The following CNTNAP2 variants were observed in gnomAD, a reference collection of about 807,000 sequenced individuals.
CNTNAP2 encodes the protein contactin associated protein 2, also known as contactin-associated protein-like 2.
In CNTNAP2, 98 loss-of-function variants were observed where a neutral mutation model predicts 155.2. The ratio of observed to expected loss-of-function variants is 0.63; its 90% CI spans 0.54 to 0.75. The LOEUF (loss-of-function observed/expected upper bound fraction) is 0.75, where lower values mean the gene tolerates loss of function less well. Ranked by LOEUF, CNTNAP2 falls within the 30% of genes least tolerant of loss-of-function variation. CNTNAP2 has a pLI of 0.00. For synonymous variants in CNTNAP2, 651 were observed against 631.2 expected (o/e 1.03, Z -0.47); for missense variants, 1,727 against 1,688.1 (o/e 1.02, Z -0.40).
At position 148,029,961 on chromosome 7, in the gene CNTNAP2, A is replaced by G. The variant is rs763832798; in HGVS notation, c.2383+51972A>G. On this transcript the variant is annotated intron_variant, in intron 15 of 23. Transcript: ENST00000361727. The stretch of plus-strand genomic sequence containing the variant: ...TCTAAGTGTTTAAAATTATTTTTAC[A>G]TCCTAGAATCAATGTCTTCTTAATA... 9.5e-4 allele frequency among the ~76,000 whole-genome samples: 144 copies of G among 152,342 alleles called. 2 individuals are homozygous for G. The highest frequency in any genetic ancestry group is 2.5e-4 in the Non-Finnish European group (17 of 68,034).
At chr7:147,667,794 GC>G (rs1795720529) in intron 13 of CNTNAP2, among the ~76,000 whole-genome samples, 1 of 136,776 alleles carries the variant, frequency 7.3e-6, no homozygotes, top group African/African-American at 3.0e-5. Context: ...GGCTGCTGCT[GC>G]AAAAAAAAAA....
chr7:147,443,716 C>T (rs950523978), intron 10 of CNTNAP2, among the ~76,000 whole-genome samples: 1 of 152,142 alleles, frequency 6.6e-6, no homozygotes, highest in South Asian at 2.1e-4. Context: ...ATAGGCCTTC[C>T]AGACATGGGT....
intron 21 of CNTNAP2, among the ~76,000 whole-genome samples, chr7:148,363,991 T>C (rs536807267): frequency 4.6e-5 from 7 of 152,172 alleles, no homozygotes; most frequent in Non-Finnish European, 1.0e-4. Context: ...CCCCCAGCAG[T>C]GCCGGCCCAC....
At chr7:147,977,818 A>G (rs976747638) in intron 14 of CNTNAP2, 44 bp from the exon 15 acceptor site, 1 of 1,613,230 alleles carries the variant, frequency 6.2e-7, no homozygotes, top group East Asian at 2.2e-5. Flanking sequence ...TCATATGTCT[A>G]ATGCAGCCTC....
At chr7:146,201,529 T>C (rs1222618578) in intron 1 of CNTNAP2, among the ~76,000 whole-genome samples, 1 of 152,134 alleles carries the variant, frequency 6.6e-6, no homozygotes, top group Admixed American at 6.6e-5. Flanking sequence ...TTGTTGGATT[T>C]TCCAGCATAT....
chr7:147,069,039 G>T (rs969713855), intron 4 of CNTNAP2, among the ~76,000 whole-genome samples: 9 of 152,092 alleles, frequency 5.9e-5, no homozygotes, highest in African/African-American at 2.2e-4. Flanking sequence ...GGCGAGAGAG[G>T]GAGTGAAAGA....
At chr7:147,435,542 T>G (rs192200571) in intron 10 of CNTNAP2, among the ~76,000 whole-genome samples, 80 of 152,356 alleles carry the variant, frequency 5.3e-4, no homozygotes, top group African/African-American at 1.9e-3. Flanking sequence ...ACAAGAATGT[T>G]TGTGACTTAG....
chr7:146,249,960 A>C (rs1310565105), intron 1 of CNTNAP2, among the ~76,000 whole-genome samples: 1 of 152,118 alleles, frequency 6.6e-6, no homozygotes, highest in East Asian at 1.9e-4. Context: ...TTTTCTCTTC[A>C]TTGTTTAGAA....
chr7:147,765,459 A>G (rs1367570625), intron 13 of CNTNAP2, among the ~76,000 whole-genome samples: 1 of 152,200 alleles, frequency 6.6e-6, no homozygotes, highest in Non-Finnish European at 1.5e-5. Flanking sequence ...TAAAGGTAAC[A>G]ATTAAGATGA....
intron 1 of CNTNAP2, among the ~76,000 whole-genome samples, chr7:146,712,772 A>G (rs1260731653): frequency 6.6e-6 from 1 of 151,664 alleles, no homozygotes; most frequent in Non-Finnish European, 1.5e-5. Flanking sequence ...ATCTTACTTG[A>G]GTTTAAACCT....
At chr7:147,414,253 G>A (rs761033656) in intron 10 of CNTNAP2, among the ~76,000 whole-genome samples, 4 of 151,700 alleles carry the variant, frequency 2.6e-5, no homozygotes, top group Non-Finnish European at 4.4e-5. Flanking sequence ...GCTGAAACCC[G>A]TGTCTGCTAA....
At chr7:147,593,534 G>T (rs1393624833) in intron 12 of CNTNAP2, among the ~76,000 whole-genome samples, 1 of 151,930 alleles carries the variant, frequency 6.6e-6, no homozygotes, top group Admixed American at 6.6e-5. Context: ...ACCTTGGGTA[G>T]ATTATTTAGG....
chr7:147,800,933 G>A (rs760148669), intron 13 of CNTNAP2, among the ~76,000 whole-genome samples: 54 of 152,324 alleles, frequency 3.5e-4, no homozygotes, highest in Admixed American at 2.8e-3. Context: ...GCAATGGGCT[G>A]TACCAGATAG....
intron 4 of CNTNAP2, among the ~76,000 whole-genome samples, chr7:147,101,118 G>T (rs113034302): frequency 1.3e-5 from 2 of 152,104 alleles, no homozygotes; most frequent in East Asian, 3.9e-4. Context: ...AATTCAATCC[G>T]TTTACCATCA....
At chr7:146,584,905 GA>G (rs1376539690) in intron 1 of CNTNAP2, among the ~76,000 whole-genome samples, 1 of 152,068 alleles carries the variant, frequency 6.6e-6, no homozygotes, top group Non-Finnish European at 1.5e-5. Context: ...AAAAATATTA[GA>G]GTTAAATTTT....
chr7:146,365,232 T>C (rs1334501603), intron 1 of CNTNAP2, among the ~76,000 whole-genome samples: 1 of 152,220 alleles, frequency 6.6e-6, no homozygotes, highest in East Asian at 1.9e-4. Context: ...AATGGCTTAA[T>C]ACAGGTGTCA....
At chr7:147,424,032 G>A (rs2116514106) in intron 10 of CNTNAP2, among the ~76,000 whole-genome samples, 1 of 152,188 alleles carries the variant, frequency 6.6e-6, no homozygotes, top group African/African-American at 2.4e-5. Context: ...AATGTGGCTG[G>A]GGAAAACCAC....
At chr7:147,338,618 T>A (rs557411621) in intron 9 of CNTNAP2, among the ~76,000 whole-genome samples, 160 of 152,232 alleles carry the variant, frequency 1.1e-3, no homozygotes, top group African/African-American at 3.7e-3. Flanking sequence ...AATAGTAAGG[T>A]TTCAAGTCTA....
intron 1 of CNTNAP2, among the ~76,000 whole-genome samples, chr7:146,447,439 ATTATG>A (rs1394346633): frequency 1.3e-5 from 2 of 152,042 alleles, no homozygotes; most frequent in Non-Finnish European, 2.9e-5. Context: ...AGTTTCACCT[ATTATG>A]TTATATTTAT....
Sources: gnomAD v4.1 joint callset for allele counts (sites outside exome capture counted in the v4.1 genomes callset) on GRCh38, gnomAD v4.1.1 for gene constraint, MANE v1.5 for transcripts, NCBI Gene and HGNC (gene_info 2026-07-23, HGNC 2026-07-21) for gene names.